Variants in CPE observed in about 807,000 individuals in gnomAD.
CPE encodes the protein carbocypeptidase E.
A neutral mutation model predicts 53.5 loss-of-function variants in CPE; 17 were observed. That is an observed-to-expected ratio of 0.32 (90% CI 0.22 to 0.48). CPE has a LOEUF of 0.48. Ranked by LOEUF, CPE falls within the 20% of genes least tolerant of loss-of-function variation. The probability of loss-of-function intolerance (pLI) is 0.99; values close to 1 mark genes in which losing one functional copy is unlikely to be tolerated. For missense variants in CPE, 524 were observed against 614.7 expected (o/e 0.85, Z 1.56); for synonymous variants, 226 against 228.8 (o/e 0.99, Z 0.11).
chr4:165,483,236 G>C (rs75509847), intron 4 of CPE, among the ~76,000 whole-genome samples: 2,141 of 152,210 alleles, frequency 0.014, 53 homozygotes, highest in African/African-American at 0.048. Context: ...TTATAAATGA[G>C]AGTATGTGGT....
intron 1 of CPE, among the ~76,000 whole-genome samples, chr4:165,398,948 G>A (rs1730821314): frequency 6.6e-6 from 1 of 152,130 alleles, no homozygotes; most frequent in African/African-American, 2.4e-5. Context: ...CAATGACTAA[G>A]AAGTTCCACT....
intron 6 of CPE, among the ~76,000 whole-genome samples, chr4:165,490,604 T>TG (rs1283495137): frequency 8.4e-6 from 1 of 119,318 alleles, no homozygotes; most frequent in African/African-American, 3.4e-5. Context: ...CACTCCAGCC[T>TG]GGGCGACAGA....
intron 2 of CPE, among the ~76,000 whole-genome samples, chr4:165,466,801 C>T (rs1732113307): frequency 6.6e-6 from 1 of 152,126 alleles, no homozygotes; most frequent in African/African-American, 2.4e-5. Context: ...CAGGCGTGAG[C>T]CACTGCACCT....
chr4:165,393,821 G>A (rs776795018), intron 1 of CPE, among the ~76,000 whole-genome samples: 8 of 152,272 alleles, frequency 5.3e-5, no homozygotes, highest in South Asian at 4.2e-4. Context: ...TGCCGGAGGC[G>A]GATAGACAGG....
intron 6 of CPE, among the ~76,000 whole-genome samples, chr4:165,488,479 G>C (rs1439126347): frequency 6.6e-6 from 1 of 152,118 alleles, no homozygotes; most frequent in Non-Finnish European, 1.5e-5. Flanking sequence ...ATAGTATGTA[G>C]ACACTGGCCC....
intron 1 of CPE, among the ~76,000 whole-genome samples, chr4:165,441,754 C>A (rs1430552569): frequency 6.6e-6 from 1 of 152,164 alleles, no homozygotes; most frequent in East Asian, 1.9e-4. Flanking sequence ...CATATTTTGA[C>A]CAAATGAAAA....
chr4:165,416,135 A>G (rs929240086), intron 1 of CPE, among the ~76,000 whole-genome samples: 3 of 152,190 alleles, frequency 2.0e-5, no homozygotes, highest in East Asian at 3.8e-4. Flanking sequence ...CTCAACCGTA[A>G]CAGTAGCTGA....
chr4:165,410,551 A>G (rs908964341), intron 1 of CPE, among the ~76,000 whole-genome samples: 1 of 152,192 alleles, frequency 6.6e-6, no homozygotes, highest in Non-Finnish European at 1.5e-5. Flanking sequence ...ATTTAGTAAT[A>G]CTTGATTTAA....
Position 165,495,441 on chromosome 4 carries a change from C to T in CPE, c.1214-118C>T, listed in dbSNP as rs149867527. The T allele has an allele frequency of 1.2e-3, 775 of 630,736 alleles. 7 individuals are homozygous for T. Among genetic ancestry groups the T allele is most frequent in the African/African-American group, 0.012 (674 of 54,920 alleles). 39.1% of individuals were successfully genotyped at this position (630,736 alleles called of 1,614,324 possible). A position where few individuals can be genotyped will look rare whatever the true frequency, so the allele number is the denominator to read the frequency against. ...TTCCCTATATATTTACTTTAAAAATCGAGAATCAAAAAAGGTGAACTGAGC... is the reference window on the plus strand; with the variant it reads ...TTCCCTATATATTTACTTTAAAAATTGAGAATCAAAAAAGGTGAACTGAGC... On this transcript the variant is annotated intron_variant, in intron 7 of 8. Transcript: ENST00000402744.
chr4:165,490,355 C>T lies in CPE; in HGVS notation c.1113+2778C>T, dbSNP rs150631454. Among the ~76,000 whole-genome samples, 52 of 151,630 alleles carry T rather than the reference C, an allele frequency of 3.4e-4. 1 individual carries two copies. The East Asian group carries it at 7.7e-3, about 22-fold the overall frequency. ...ATTTCTTAAAGAATGGTTCATGGGCCAGGCGTGGTGGCTCACGCCTGTAAT... is the reference window on the plus strand; with the variant it reads ...ATTTCTTAAAGAATGGTTCATGGGCTAGGCGTGGTGGCTCACGCCTGTAAT... On this transcript the variant is annotated intron_variant, in intron 6 of 8. Transcript: ENST00000402744.
At chr4:165,459,038 C>T (rs1284349539) in intron 1 of CPE, among the ~76,000 whole-genome samples, 8 of 152,230 alleles carry the variant, frequency 5.3e-5, no homozygotes, top group Admixed American at 5.2e-4. Flanking sequence ...ACATTGCTAA[C>T]TTGCCTCCAG....
rs141250110 is a variant in CPE, at chr4:165,484,533, G to T, written c.902G>T (p.Arg301Leu). The change falls in exon 5 of 9, where the codon CGC (arginine) becomes CTC (leucine). Residue 301 changes from arginine (R) to leucine (L), a missense_variant. Arg to Leu is a moderately radical substitution (Grantham distance 102). Transcript: ENST00000402744. Reference sequence around the variant, plus strand: ...TCTGACCCCAATCGGCCACCATGTCGCAAGAATGATGATGACAGCAGCTTT... The same window carrying T: ...TCTGACCCCAATCGGCCACCATGTCTCAAGAATGATGATGACAGCAGCTTT... Reference protein sequence around the residue: ...AMSDPNRPPCRKNDDDSSFVD... With the variant: ...AMSDPNRPPCLKNDDDSSFVD... 12 of 1,613,956 alleles carry T rather than the reference G, an allele frequency of 7.4e-6. No individual in the cohort carries two copies. The highest frequency in any genetic ancestry group is 1.3e-5 in the African/African-American group (1 of 74,902).
At chr4:165,401,299 C>T (rs578229758) in intron 1 of CPE, among the ~76,000 whole-genome samples, 3 of 152,238 alleles carry the variant, frequency 2.0e-5, no homozygotes, top group African/African-American at 4.8e-5. Context: ...AACTAGAAGC[C>T]GGTGAAGGAA....
chr4:165,417,836 G>T (rs1731151024), intron 1 of CPE, among the ~76,000 whole-genome samples: 1 of 151,116 alleles, frequency 6.6e-6, no homozygotes, highest in African/African-American at 2.4e-5. Flanking sequence ...AACATGGTGG[G>T]TACTTAATAA....
At chr4:165,406,552 C>T (rs1364824600) in intron 1 of CPE, among the ~76,000 whole-genome samples, 3 of 152,114 alleles carry the variant, frequency 2.0e-5, no homozygotes, top group Non-Finnish European at 4.4e-5. Flanking sequence ...TATTTAATGG[C>T]TGAAAATCTT....
Position 165,405,123 on chromosome 4 carries a change from T to G in CPE, c.307+25595T>G, listed in dbSNP as rs746211059. ...CTTTCAAATGACGTTAGAGCTTTCT[T>G]CTTTACTTTGTCATTCAATCCTTTG... On this transcript the variant is annotated intron_variant, in intron 1 of 8. Coordinates refer to ENST00000402744, the MANE Select transcript of CPE (RefSeq NM_001873.4). 12 of 754,154 alleles carry G rather than the reference T, an allele frequency of 1.6e-5. No individual in the cohort carries two copies. The Middle Eastern group carries it at 2.7e-3, about 169-fold the overall frequency. 46.7% of individuals were successfully genotyped at this position (754,154 alleles called of 1,614,324 possible).
intron 1 of CPE, among the ~76,000 whole-genome samples, chr4:165,435,050 C>A (rs1731474591): frequency 6.6e-6 from 1 of 152,184 alleles, no homozygotes; most frequent in African/African-American, 2.4e-5. Context: ...GTGGAAGCAG[C>A]CTGAAGCCCT....
chr4:165,486,132 G>T lies in CPE; in HGVS notation c.974-1306G>T, dbSNP rs551669389. ...TGTGGGGTGCCAGCAGGAATTGGGG[G>T]TGAGAGATAGCATGATGTAACTCCC... On this transcript the variant is annotated intron_variant, in intron 5 of 8. Transcript: ENST00000402744. 8.1e-3 allele frequency among the ~76,000 whole-genome samples: 1,230 copies of T among 152,190 alleles called. 20 individuals are homozygous for T. Among genetic ancestry groups the T allele is most frequent in the African/African-American group, 0.028 (1,182 of 41,504 alleles).
At chr4:165,419,071 T>C (rs10000363) in intron 1 of CPE, among the ~76,000 whole-genome samples, 1 of 152,102 alleles carries the variant, frequency 6.6e-6, no homozygotes, top group South Asian at 2.1e-4. Flanking sequence ...AGGAATCAAA[T>C]AAGCCAGGGT....
Sources: gnomAD v4.1 joint callset for allele counts (sites outside exome capture counted in the v4.1 genomes callset) on GRCh38, gnomAD v4.1.1 for gene constraint, MANE v1.5 for transcripts, NCBI Gene and HGNC (gene_info 2026-07-23, HGNC 2026-07-21) for gene names.